COL5A1: variants seen among roughly 807,000 people sequenced by gnomAD.
COL5A1 encodes the protein collagen alpha-1(V) chain.
COL5A1 carries 16 observed loss-of-function variants against 263.7 expected under a neutral mutation model. The ratio of observed to expected loss-of-function variants is 0.06; its 90% CI spans 0.04 to 0.09. The LOEUF (loss-of-function observed/expected upper bound fraction) is 0.09. Ranked by LOEUF, COL5A1 falls within the 10% of genes least tolerant of loss-of-function variation. COL5A1 has a pLI of 1.00. For missense variants in COL5A1, 2,036 were observed against 2,540.5 expected, an observed-to-expected ratio of 0.80 and a Z score of 4.27; for synonymous variants, 1,012 against 1,004.5, an observed-to-expected ratio of 1.01 and a Z score of -0.14.
intron 52 of COL5A1, 68 bp from the exon 53 acceptor site, chr9:134,816,956 CAT>C: frequency 7.3e-7 from 1 of 1,369,630 alleles, no homozygotes; most frequent in Non-Finnish European, 1.0e-6. Flanking sequence ...CTGAAATCGC[CAT>C]GTGTTTTGCC....
intron 42 of COL5A1, among the ~76,000 whole-genome samples, chr9:134,808,592 C>T (rs948812143): frequency 6.6e-6 from 1 of 151,020 alleles, no homozygotes; most frequent in Non-Finnish European, 1.5e-5. Flanking sequence ...TGCATATTCA[C>T]ACGTGTGCAC....
At chr9:134,732,334 T>C in intron 9 of COL5A1, 1 of 659,670 alleles carries the variant, frequency 1.5e-6, no homozygotes, top group Non-Finnish European at 2.7e-6. Context: ...TGTTCTGGAC[T>C]GTGATGGAGG....
At chr9:134,736,052 G>GC (rs1219902959) in intron 9 of COL5A1, among the ~76,000 whole-genome samples, 1 of 151,924 alleles carries the variant, frequency 6.6e-6, no homozygotes, top group Non-Finnish European at 1.5e-5. Flanking sequence ...TCTGGTGACA[G>GC]CCTCCGGTGG....
Position 134,731,637 on chromosome 9 carries a change from G to A in COL5A1, c.1306G>A (p.Ala436Thr). 6.2e-7 allele frequency: 1 copy of A among 1,613,956 alleles called. No individual in the cohort carries two copies. The highest frequency in any genetic ancestry group is 8.5e-7 in the Non-Finnish European group (1 of 1,179,984). The change falls in exon 8 of 66, where the codon GCG becomes ACG. Residue 436 changes from alanine (A) to threonine (T), a missense_variant. By Grantham distance (58) the Ala-to-Thr change is moderately conservative. Around this residue, in one of 3 missense-constraint regions of COL5A1, gnomAD observed 600 missense variants for 634.5 expected, o/e 0.95. Transcript: ENST00000371817. ...SPSEIGPGMP[A>T]NQDTIYEGIG... is the part of the protein sequence containing the mutation. The stretch of plus-strand genomic sequence containing the variant: ...GTCGGAGATCGGGCCGGGAATGCCG[G>A]CGAACCAGGATACCATCTATGAAGG...
chr9:134,820,645 C>T (rs902676331), intron 58 of COL5A1, among the ~76,000 whole-genome samples: 17 of 152,170 alleles, frequency 1.1e-4, no homozygotes, highest in African/African-American at 3.4e-4. Context: ...CACCTTGTCC[C>T]CAGCTGCCCC....
At position 134,754,003 on chromosome 9, in the gene COL5A1, A is replaced by G. The variant is rs1034054014; in HGVS notation, c.1773+100A>G. 1 of 1,130,742 alleles carries G rather than the reference A, an allele frequency of 8.8e-7. No individual in the cohort carries two copies. 70.0% of individuals were successfully genotyped at this position (1,130,742 alleles called of 1,614,324 possible). ...GGACCCCAACTGCTGCATGTTTTCAAGGAAATTCGTGGGAATTGTCCTTGC... is the reference window on the plus strand; with the variant it reads ...GGACCCCAACTGCTGCATGTTTTCAGGGAAATTCGTGGGAATTGTCCTTGC... On this transcript the variant is annotated intron_variant, in intron 15 of 65. Coordinates refer to ENST00000371817, the MANE Select transcript of COL5A1 (RefSeq NM_000093.5). The surrounding 1 kb of genome is among the most constrained non-coding windows in gnomAD (Gnocchi z 4.3).
intron 4 of COL5A1, among the ~76,000 whole-genome samples, chr9:134,702,332 C>T (rs1384116338): frequency 6.6e-6 from 1 of 152,206 alleles, no homozygotes; most frequent in Non-Finnish European, 1.5e-5. Context: ...TTTCCTCCTC[C>T]AGGGCTGCAG....
chr9:134,789,040 G>T lies in COL5A1; in HGVS notation c.2647-115G>T. On this transcript the variant is annotated intron_variant, in intron 31 of 65. Transcript: ENST00000371817. The surrounding 1 kb of genome is among the most constrained non-coding windows in gnomAD (Gnocchi z 4.8). ...GGTGGGTGGTTGGGTGGGTGGGCAG[G>T]TGGAGTCTGGGGCAGAGGCTGTGCA... 1.1e-6 allele frequency: 1 copy of T among 885,968 alleles called. No individual in the cohort carries two copies. The allele number at this position is 885,968 out of a possible 1,614,324, so 54.9% of individuals were successfully genotyped here. A position where few individuals can be genotyped will look rare whatever the true frequency, so the allele number is the denominator to read the frequency against.
chr9:134,827,520 G>T (rs913119860), intron 63 of COL5A1, among the ~76,000 whole-genome samples: 1 of 152,246 alleles, frequency 6.6e-6, no homozygotes, highest in Non-Finnish European at 1.5e-5. Flanking sequence ...GAGGTTTCTC[G>T]GCCCTCCTTC....
chr9:134,682,815 C>T lies in COL5A1; in HGVS notation c.110-8097C>T, dbSNP rs936205517. Among the ~76,000 whole-genome samples, 1 of 152,230 alleles carries T rather than the reference C, an allele frequency of 6.6e-6. No homozygotes were observed. Among genetic ancestry groups the T allele is most frequent in the Non-Finnish European group, 1.5e-5 (1 of 68,048 alleles). On this transcript the variant is annotated intron_variant, in intron 1 of 65. Coordinates refer to ENST00000371817, the MANE Select transcript of COL5A1 (RefSeq NM_000093.5). This position sits in a 1 kb window ranked among gnomAD's most constrained non-coding sequence, Gnocchi z 5.1. ...ATTTGTTGGCAAAAAGGAGCAGGCT[C>T]TGATGGATCGCAAATGCCCAGCCTT...
chr9:134,775,042 C>T, intron 27 of COL5A1, 130 bp downstream of exon 27: 1 of 868,294 alleles, frequency 1.2e-6, no homozygotes, highest in Non-Finnish European at 1.9e-6. Flanking sequence ...GTAGCCCAGT[C>T]CTCCCAGTCA....
chr9:134,812,332 C>G, intron 46 of COL5A1, 117 bp from the exon 47 acceptor site: 2 of 1,072,880 alleles, frequency 1.9e-6, no homozygotes, highest in Non-Finnish European at 2.9e-6. Context: ...AGAGAAGCAC[C>G]TTCCCGGGGC....
rs1837393648 is a variant in COL5A1, at chr9:134,784,838, C to G, written c.2485-151C>G. 7.5e-6 allele frequency: 5 copies of G among 666,230 alleles called. No individual in the cohort carries two copies. In the South Asian group the frequency reaches 8.9e-5, roughly 12 times the overall value. 41.3% of individuals were successfully genotyped at this position (666,230 alleles called of 1,614,324 possible). A position where few individuals can be genotyped will look rare whatever the true frequency, so the allele number is the denominator to read the frequency against. On this transcript the variant is annotated intron_variant, in intron 29 of 65. Transcript: ENST00000371817. ...GCTTTGTCAGTGGCTCCGGGAGCAG[C>G]TCCGTGGTCTGAGTGAGGCCGAGCT...
chr9:134,831,074 T>A (rs993617630), intron 64 of COL5A1, among the ~76,000 whole-genome samples: 3 of 152,176 alleles, frequency 2.0e-5, no homozygotes, highest in Admixed American at 6.5e-5. Flanking sequence ...AGGGCCTTGC[T>A]CTCAGAAGGC....
At chr9:134,659,312 C>T (rs1342496140) in intron 1 of COL5A1, among the ~76,000 whole-genome samples, 1 of 152,170 alleles carries the variant, frequency 6.6e-6, no homozygotes, top group Non-Finnish European at 1.5e-5. Flanking sequence ...TTGCTTGAAC[C>T]TGGGCGGCAG....
In COL5A1 at chr9:134,828,565, A is replaced by ACATCACACAG. The variant is rs1564181162; in HGVS notation, c.5068-1411_5068-1410insCATCACACAG. Among the ~76,000 whole-genome samples the ACATCACACAG allele has an allele frequency of 5.1e-3, 744 of 147,132 alleles. 8 individuals are homozygous for ACATCACACAG. The highest frequency in any genetic ancestry group is 0.018 in the African/African-American group (681 of 38,826). On this transcript the variant is annotated intron_variant, in intron 63 of 65. Coordinates refer to ENST00000371817, the MANE Select transcript of COL5A1 (RefSeq NM_000093.5). ...CCACAGAGATACGCACCACACACAC[A>ACATCACACAG]ATACACACCACATATACCACACCAC...
Position 134,730,432 on chromosome 9 carries a change from C to T in COL5A1, c.1121C>T (p.Ala374Val). Reference sequence around the variant, plus strand: ...CAGCCCACAGACCCAGGCGCTGGGGCCGAAATTCCCACCAGCACCGCCGAC... The same window carrying T: ...CAGCCCACAGACCCAGGCGCTGGGGTCGAAATTCCCACCAGCACCGCCGAC... ...PDQPTDPGAG[A>V]EIPTSTADTS... Residue 374 changes from alanine to valine, a missense_variant, in exon 7 of 66, where the codon GCC (alanine) becomes GTC (valine). Around this residue, in one of 3 missense-constraint regions of COL5A1, gnomAD observed 600 missense variants for 634.5 expected, o/e 0.95. Coordinates refer to ENST00000371817, the MANE Select transcript of COL5A1 (RefSeq NM_000093.5). 2 of 1,614,150 alleles carry T rather than the reference C, an allele frequency of 1.2e-6. No homozygotes were observed. The highest frequency in any genetic ancestry group is 1.7e-6 in the Non-Finnish European group (2 of 1,180,038).
chr9:134,827,353 A>T (rs1277436690), intron 63 of COL5A1, among the ~76,000 whole-genome samples: 1 of 151,816 alleles, frequency 6.6e-6, no homozygotes, highest in Admixed American at 6.6e-5. Flanking sequence ...CTCCAAGTGC[A>T]GGGGTCCCCT....
chr9:134,648,808 C>T (rs1831563234), intron 1 of COL5A1, among the ~76,000 whole-genome samples: 1 of 152,188 alleles, frequency 6.6e-6, no homozygotes, highest in Non-Finnish European at 1.5e-5. Context: ...GTGGTCAGTT[C>T]AGCGGATCGC....
Sources: gnomAD v4.1 joint callset for allele counts (sites outside exome capture counted in the v4.1 genomes callset) on GRCh38, gnomAD v4.1.1 for gene constraint, gnomAD v4.1.1 regional missense constraint, Gnocchi (gnomAD v3.1) non-coding constraint, MANE v1.5 for transcripts, NCBI Gene and HGNC (gene_info 2026-07-23, HGNC 2026-07-21) for gene names.